SEMA4B: variants seen among roughly 807,000 people sequenced by gnomAD.
SEMA4B encodes semaphorin-4B.
In SEMA4B, 55 loss-of-function variants were observed where a neutral mutation model predicts 88.1. The observed-to-expected ratio is 0.62, with a 90% confidence interval of 0.50 to 0.78. The LOEUF (loss-of-function observed/expected upper bound fraction) is 0.78, where lower values mean the gene tolerates loss of function less well. Among genes scored for constraint, SEMA4B ranks in the 30% least tolerant of loss-of-function variants. The pLI is 0.00. For synonymous variants in SEMA4B, 525 were observed against 473.6 expected (o/e 1.11, Z -1.41); for missense variants, 1,062 against 1,111.9 (o/e 0.96, Z 0.64).
Position 90,207,561 on chromosome 15 carries a change from A to G in SEMA4B, c.157+5826A>G, listed in dbSNP as rs1379627952. On this transcript the variant is annotated intron_variant, in intron 1 of 13. Coordinates refer to ENST00000411539, the MANE Select transcript of SEMA4B (RefSeq NM_198925.4). ...AACCAAAGCTCAGTGAAGCTAACTC[A>G]TTATCAAGGTCATGCAGCTATAGAA... is the stretch of plus-strand genomic sequence containing the variant. Among the ~76,000 whole-genome samples, 5 of 152,300 alleles carry G rather than the reference A, an allele frequency of 3.3e-5. No homozygotes were observed. The South Asian group carries it at 6.2e-4, about 19-fold the overall frequency.
rs762674729 is a variant in SEMA4B, at chr15:90,223,561, C to T, written c.864C>T (p.Gly288=). The change falls in exon 8 of 14, where the codon GGC becomes GGT. Residue 288 remains glycine, a splice_region_variant and synonymous_variant. Transcript: ENST00000411539. ...AGCCCATCCGACTCTCCCTCCAGGG[C>T]GATGAGGGTGGAGAGCGGGTGCTAC... The part of the protein sequence containing the change: ...IVSRIARICK[G]DEGGERVLQQ... 2.3e-5 allele frequency: 37 copies of T among 1,583,966 alleles called. No homozygotes were observed. Among genetic ancestry groups the T allele is most frequent in the Admixed American group, 1.1e-4 (6 of 57,138 alleles).
At chr15:90,225,480 C>T in intron 11 of SEMA4B, 83 bp downstream of exon 11, 1 of 1,363,816 alleles carries the variant, frequency 7.3e-7, no homozygotes, top group Admixed American at 2.0e-5. Flanking sequence ...CCAGCTTCTC[C>T]TCCCTTGCCT....
At chr15:90,201,197 C>T, upstream of SEMA4B, 1 of 503,478 alleles carries the variant, frequency 2.0e-6, no homozygotes, top group Non-Finnish European at 2.6e-6. Flanking sequence ...GCTACTGATC[C>T]CGGGCTTGGC....
Position 90,225,789 on chromosome 15 carries a change from C to A in SEMA4B, c.1650C>A (p.Cys550Ter). The A allele has an allele frequency of 6.4e-7, 1 of 1,558,504 alleles. No individual in the cohort carries two copies. The highest frequency in any genetic ancestry group is 1.2e-5 in the South Asian group (1 of 84,442). The change falls in exon 12 of 14, where the codon TGC becomes TGA. Residue 550 changes from cysteine (C) to a stop codon, truncating the protein, a stop_gained. Coordinates refer to ENST00000411539, the MANE Select transcript of SEMA4B (RefSeq NM_198925.4). LOFTEE classifies it high-confidence loss of function. ...ACTGTGCTTGGAGCGGCTCCAGCTGCAAGCACGTCAGCCTCTACCAGCCTC... is the reference window on the plus strand; with the variant it reads ...ACTGTGCTTGGAGCGGCTCCAGCTGAAAGCACGTCAGCCTCTACCAGCCTC... ...DPYCAWSGSS[C>*]KHVSLYQPQL...
chr15:90,184,976 G>A (rs1960120728), exon 1 of SEMA4B: 1 of 985,904 alleles, frequency 1.0e-6, no homozygotes, highest in Middle Eastern at 5.2e-4. Context: ...CGGGTCCCCA[G>A]GGGCTGCGCC....
chr15:90,206,569 C>G (rs1265152913), intron 1 of SEMA4B: 2 of 513,076 alleles, frequency 3.9e-6, no homozygotes, highest in East Asian at 3.3e-5. Flanking sequence ...AACCCACTGC[C>G]ATGGCCGAGG....
chr15:90,204,901 G>A (rs919770170), intron 1 of SEMA4B, among the ~76,000 whole-genome samples: 3 of 152,066 alleles, frequency 2.0e-5, no homozygotes, highest in Admixed American at 1.3e-4. Flanking sequence ...TCAGCCTCTC[G>A]AGCAGCTGAG....
At chr15:90,226,951 C>CA (rs1266820302) in intron 12 of SEMA4B, among the ~76,000 whole-genome samples, 5 of 151,550 alleles carry the variant, frequency 3.3e-5, no homozygotes, top group African/African-American at 1.2e-4. Context: ...GAGAACACAT[C>CA]AAAAAAAATT....
chr15:90,228,208 C>G lies in SEMA4B; in HGVS notation c.2079C>G (p.Ile693Met). 1 of 1,609,120 alleles carries G rather than the reference C, an allele frequency of 6.2e-7. No individual in the cohort carries two copies. The highest frequency in any genetic ancestry group is 8.5e-7 in the Non-Finnish European group (1 of 1,177,472). Residue 693 changes from isoleucine to methionine, a missense_variant, in exon 14 of 14, where the codon ATC (isoleucine) becomes ATG (methionine). Transcript: ENST00000411539. ...TDEGGSVPVI[I>M]STSRVSAPAG... Reference sequence around the variant, plus strand: ...AGGGTGGCAGTGTACCCGTCATTATCAGCACATCGCGTGTGAGTGCACCAG... The same window carrying G: ...AGGGTGGCAGTGTACCCGTCATTATGAGCACATCGCGTGTGAGTGCACCAG...
chr15:90,196,653 A>AT (rs1331960158), upstream of SEMA4B, among the ~76,000 whole-genome samples: 2 of 151,178 alleles, frequency 1.3e-5, no homozygotes. Context: ...CGCCCAGCTA[A>AT]TTTTTTTGTA....
intron 1 of SEMA4B, among the ~76,000 whole-genome samples, chr15:90,209,702 C>T (rs1052352790): frequency 6.6e-6 from 1 of 152,166 alleles, no homozygotes. Context: ...GGAGAAGGGC[C>T]CTTGCCCAGC....
intron 9 of SEMA4B, 120 bp from the exon 10 acceptor site, chr15:90,224,848 A>G: frequency 2.5e-6 from 2 of 791,012 alleles, no homozygotes; most frequent in Admixed American, 3.9e-5. Flanking sequence ...ACTGCCAGGG[A>G]TGTGCCCTGG....
In SEMA4B at chr15:90,228,371, C is replaced by T; in HGVS notation, c.2242C>T (p.Leu748=). The change falls in exon 14 of 14, where the codon CTG becomes TTG. Residue 748 remains leucine (L), a synonymous_variant. Transcript: ENST00000411539. ...YRHRNSMKVF[L]KQGECASVHP... ...GCACCGGAACAGCATGAAAGTCTTC[C>T]TGAAGCAGGGGGAATGTGCCAGCGT... The T allele has an allele frequency of 6.2e-7, 1 of 1,600,332 alleles. No homozygotes were observed. Among genetic ancestry groups the T allele is most frequent in the Non-Finnish European group, 8.5e-7 (1 of 1,172,846 alleles).
chr15:90,221,309 A>T lies in SEMA4B; in HGVS notation c.596-58A>T, dbSNP rs560307135. ...AGTGCTGGGGTCACTCTGGGCCCTG[A>T]GCAGGGAGAAGGGGCCGTGCTGAGG... On this transcript the variant is annotated intron_variant, in intron 5 of 13. Coordinates refer to ENST00000411539, the MANE Select transcript of SEMA4B (RefSeq NM_198925.4). The T allele has an allele frequency of 9.8e-4, 1,382 of 1,412,268 alleles. 2 individuals are homozygous for T. Among genetic ancestry groups the T allele is most frequent in the Non-Finnish European group, 1.2e-3 (1,253 of 1,021,516 alleles). 87.5% of individuals were successfully genotyped at this position (1,412,268 alleles called of 1,614,324 possible).
rs569974075 is a variant in SEMA4B, at chr15:90,212,483, G to A, written c.158-4956G>A. Among the ~76,000 whole-genome samples, 1 of 152,280 alleles carries A rather than the reference G, an allele frequency of 6.6e-6. No homozygotes were observed. The highest frequency in any genetic ancestry group is 2.1e-4 in the South Asian group (1 of 4,824). ...CAGCACAGGCAGCCCAGGAGAGCGA[G>A]CGAGACACTCTTTGACACAAGGGAG... is the stretch of plus-strand genomic sequence containing the variant. On this transcript the variant is annotated intron_variant, in intron 1 of 13. Transcript: ENST00000411539. The surrounding 1 kb of genome is among the most constrained non-coding windows in gnomAD (Gnocchi z 4.0).
intron 1 of SEMA4B, among the ~76,000 whole-genome samples, chr15:90,191,360 A>C (rs1194657902): frequency 1.3e-5 from 2 of 152,246 alleles, no homozygotes; most frequent in African/African-American, 4.8e-5. Context: ...GGGGGTCCTC[A>C]GAGATGGGCA....
chr15:90,193,735 C>T (rs1960414399), intron 1 of SEMA4B, among the ~76,000 whole-genome samples: 1 of 151,912 alleles, frequency 6.6e-6, no homozygotes, highest in African/African-American at 2.4e-5. Context: ...AGCATGTGGC[C>T]AACATCAGGT....
At chr15:90,201,868 C>T (rs996822708) in intron 1 of SEMA4B, 133 bp downstream of exon 1, 126 of 875,686 alleles carry the variant, frequency 1.4e-4, no homozygotes, top group Non-Finnish European at 1.8e-4. Context: ...AGGACCCCTT[C>T]TTTTTTCAAG....
intron 1 of SEMA4B, among the ~76,000 whole-genome samples, chr15:90,188,361 C>T (rs1297520031): frequency 6.6e-6 from 1 of 151,998 alleles, no homozygotes; most frequent in Non-Finnish European, 1.5e-5. Flanking sequence ...GGCGAGGTGG[C>T]TTATGCCTGT....
Sources: gnomAD v4.1 joint callset for allele counts (sites outside exome capture counted in the v4.1 genomes callset) on GRCh38, gnomAD v4.1.1 for gene constraint, Gnocchi (gnomAD v3.1) non-coding constraint, MANE v1.5 for transcripts, NCBI Gene and HGNC (gene_info 2026-07-23, HGNC 2026-07-21) for gene names.